The following P4HA1 variants were observed in gnomAD, a reference collection of about 807,000 sequenced individuals.
The protein encoded by P4HA1 is prolyl 4-hydroxylase subunit alpha 1.
A neutral mutation model predicts 72.8 loss-of-function variants in P4HA1; 24 were observed. That is an observed-to-expected ratio of 0.33 (90% confidence interval 0.24 to 0.46). The LOEUF is 0.46. Among genes scored for constraint, P4HA1 ranks in the 20% least tolerant of loss-of-function variants. P4HA1 has a pLI of 1.00. For synonymous variants in P4HA1, 201 were observed against 218.8 expected, an observed-to-expected ratio of 0.92 and a Z score of 0.72; for missense variants, 446 against 640.6, an observed-to-expected ratio of 0.70 and a Z score of 3.28.
chr10:73,062,850 G>A (rs61009346), intron 5 of P4HA1, among the ~76,000 whole-genome samples: 10,673 of 152,198 alleles, frequency 0.07, 632 homozygotes, highest in East Asian at 0.3. Context: ...AGCATGCCCT[G>A]GTCTGACAAT....
At chr10:73,035,763 A>G (rs1489090933) in intron 9 of P4HA1, among the ~76,000 whole-genome samples, 1 of 152,236 alleles carries the variant, frequency 6.6e-6, no homozygotes, top group Non-Finnish European at 1.5e-5. Context: ...AACAGTTGCA[A>G]TGATTTACAC....
chr10:73,037,563 ATATATATATT>A (rs1336648481), intron 9 of P4HA1, among the ~76,000 whole-genome samples: 25 of 32,516 alleles, frequency 7.7e-4, no homozygotes, highest in African/African-American at 1.6e-3. Flanking sequence ...ATATATATAT[ATATATATATT>A]TTTTTTTTTT....
intron 10 of P4HA1, among the ~76,000 whole-genome samples, chr10:73,027,789 CATGGAAGGAAGGAAAT>C (rs1436086459): frequency 1.3e-4 from 16 of 124,278 alleles, no homozygotes; most frequent in Non-Finnish European, 9.9e-5. Context: ...AGCAAGCAAA[CATGGAAGGAAGGAAAT>C]ATGGAAGGAA....
At chr10:73,070,142 CTTTTTTTTTTTTTTT>C (rs71021546) in intron 4 of P4HA1, among the ~76,000 whole-genome samples, 15 of 64,502 alleles carry the variant, frequency 2.3e-4, no homozygotes, top group South Asian at 5.7e-4. Context: ...GAGACCAGGC[CTTTTTTTTTTTTTTT>C]TTTTTTTTTT....
At chr10:73,091,176 AAAT>A (rs1842023519) in intron 1 of P4HA1, among the ~76,000 whole-genome samples, 2 of 110,316 alleles carry the variant, frequency 1.8e-5, no homozygotes, top group African/African-American at 1.1e-4. Flanking sequence ...CCAAAAAAAT[AAAT>A]AAATAAATAA....
chr10:73,038,817 G>A (rs868307160), intron 9 of P4HA1, among the ~76,000 whole-genome samples: 2 of 120,934 alleles, frequency 1.7e-5, no homozygotes, highest in South Asian at 3.0e-4. Flanking sequence ...TAGTAGAGAC[G>A]AGGTTTCACC....
chr10:73,065,588 C>A (rs189886734), intron 5 of P4HA1: 3 of 152,148 alleles, frequency 2.0e-5, no homozygotes, highest in African/African-American at 7.2e-5. Flanking sequence ...TAAAGTCTGA[C>A]AAAACCAAGA....
At chr10:73,034,045 A>T (rs1306613179) in intron 9 of P4HA1, among the ~76,000 whole-genome samples, 1 of 152,082 alleles carries the variant, frequency 6.6e-6, no homozygotes, top group African/African-American at 2.4e-5. Context: ...CCCTGTCTCC[A>T]CAAAAAAAGT....
chr10:73,082,343 G>C (rs201568740), intron 1 of P4HA1, among the ~76,000 whole-genome samples: 2 of 152,278 alleles, frequency 1.3e-5, no homozygotes, highest in East Asian at 3.9e-4. Context: ...GAATTACTAG[G>C]ACAGGGCATC....
intron 5 of P4HA1, among the ~76,000 whole-genome samples, chr10:73,067,910 T>G (rs1468029462): frequency 6.6e-6 from 1 of 152,208 alleles, no homozygotes; most frequent in Non-Finnish European, 1.5e-5. Context: ...TTGTTCATTA[T>G]GTGTCCCCAG....
intron 9 of P4HA1, among the ~76,000 whole-genome samples, chr10:73,040,505 C>A (rs1840706015): frequency 7.3e-6 from 1 of 137,116 alleles, no homozygotes; most frequent in South Asian, 2.3e-4. Context: ...TGAGATGGAT[C>A]TCTCTCTGTC....
intron 5 of P4HA1, 122 bp from the exon 6 acceptor site, chr10:73,053,712 G>A (rs912611884): frequency 5.2e-6 from 4 of 773,014 alleles, no homozygotes; most frequent in Non-Finnish European, 8.3e-6. Flanking sequence ...TCCTCTGGAT[G>A]AGCAAAAATT....
chr10:73,037,348 C>T (rs891632520), intron 9 of P4HA1, among the ~76,000 whole-genome samples: 3 of 147,286 alleles, frequency 2.0e-5, no homozygotes, highest in Non-Finnish European at 3.0e-5. Context: ...TGTAAAATAC[C>T]ACTAGAATGC....
intron 14 of P4HA1, 67 bp downstream of exon 14, chr10:73,009,740 A>G: frequency 1.1e-6 from 1 of 900,860 alleles, no homozygotes; most frequent in Non-Finnish European, 1.8e-6. Flanking sequence ...TTTTTAAGAC[A>G]CAGATAATAG....
chr10:73,042,507 T>C (rs1840760521), intron 9 of P4HA1, among the ~76,000 whole-genome samples: 1 of 152,228 alleles, frequency 6.6e-6, no homozygotes, highest in Non-Finnish European at 1.5e-5. Flanking sequence ...AATTGTCATA[T>C]TGAAAACGTT....
intron 9 of P4HA1, among the ~76,000 whole-genome samples, chr10:73,044,552 C>T (rs974953826): frequency 1.3e-5 from 2 of 152,068 alleles, no homozygotes; most frequent in Non-Finnish European, 2.9e-5. Flanking sequence ...CAAATGCCAA[C>T]GTAATCACCA....
intron 5 of P4HA1, among the ~76,000 whole-genome samples, chr10:73,066,027 G>A (rs1333536440): frequency 1.3e-5 from 2 of 152,112 alleles, no homozygotes; most frequent in African/African-American, 4.8e-5. Flanking sequence ...ATATGATAAA[G>A]TATAAAAAGA....
chr10:73,079,785 G>A (rs932214382), intron 1 of P4HA1, among the ~76,000 whole-genome samples: 1 of 151,914 alleles, frequency 6.6e-6, no homozygotes, highest in Non-Finnish European at 1.5e-5. Context: ...TAAAAATAAC[G>A]ATACTTTGAA....
At chr10:73,062,312 C>G (rs1370610717) in intron 5 of P4HA1, among the ~76,000 whole-genome samples, 1 of 151,926 alleles carries the variant, frequency 6.6e-6, no homozygotes, top group Non-Finnish European at 1.5e-5. Flanking sequence ...AAAGTCATGT[C>G]CTACAGGGCT....
Sources: gnomAD v4.1 joint callset for allele counts (sites outside exome capture counted in the v4.1 genomes callset) on GRCh38, gnomAD v4.1.1 for gene constraint, MANE v1.5 for transcripts, NCBI Gene and HGNC (gene_info 2026-07-23, HGNC 2026-07-21) for gene names.